The following ZFYVE28 variants were observed in gnomAD, a reference collection of about 807,000 sequenced individuals.
ZFYVE28 encodes lateral signaling target protein 2 homolog.
Under a neutral mutation model 82.1 loss-of-function variants are expected in ZFYVE28, and 40 were observed. The observed-to-expected ratio is 0.49, with a 90% confidence interval of 0.38 to 0.63. The LOEUF (loss-of-function observed/expected upper bound fraction) is 0.63. Ranked by LOEUF, ZFYVE28 falls within the 30% of genes least tolerant of loss-of-function variation. The pLI is 0.00. For missense variants in ZFYVE28, 1,321 were observed against 1,242.1 expected, an observed-to-expected ratio of 1.06 and a Z score of -0.96; for synonymous variants, 612 against 546.1, an observed-to-expected ratio of 1.12 and a Z score of -1.68.
At chr4:2,271,139 TG>T in intron 12 of ZFYVE28, 171 bp downstream of exon 12, 1 of 764,392 alleles carries the variant, frequency 1.3e-6, no homozygotes, top group Non-Finnish European at 2.1e-6. Context: ...CAGGTTCCCG[TG>T]GTCAAATGCC....
chr4:2,412,707 C>T (rs139607416), intron 1 of ZFYVE28, among the ~76,000 whole-genome samples: 17 of 152,302 alleles, frequency 1.1e-4, no homozygotes, highest in African/African-American at 3.4e-4. Flanking sequence ...TCAAACAAAA[C>T]CACACCCTGG....
rs1371525644 is a variant in ZFYVE28 at position 2,356,108 on chromosome 4, C to T, written c.40-2035G>A. Among the ~76,000 whole-genome samples the T allele has an allele frequency of 2.6e-5, 4 of 152,204 alleles. No homozygotes were observed. The South Asian group carries it at 6.2e-4, about 24-fold the overall frequency. ...CTTTCCTGGCCCTCCAGTCCTCACT[C>T]TCTGGATCAGCTCAAGACACTGGCC... On this transcript the variant is annotated intron_variant, in intron 1 of 12. Transcript: ENST00000290974.
intron 8 of ZFYVE28, among the ~76,000 whole-genome samples, chr4:2,297,650 G>A (rs957644611): frequency 2.6e-5 from 4 of 152,262 alleles, no homozygotes; most frequent in Non-Finnish European, 4.4e-5. Context: ...AGCTGCAAGC[G>A]CAATCTGGGA....
intron 8 of ZFYVE28, among the ~76,000 whole-genome samples, chr4:2,288,095 T>C (rs1305720873): frequency 6.6e-6 from 1 of 152,100 alleles, no homozygotes; most frequent in Non-Finnish European, 1.5e-5. Flanking sequence ...TGTGGTCAGA[T>C]GCCCAACACC....
intron 2 of ZFYVE28, chr4:2,343,253 T>C (rs778357891): frequency 6.6e-6 from 1 of 152,214 alleles, no homozygotes; most frequent in African/African-American, 2.4e-5. Flanking sequence ...TTCCAGGCTC[T>C]AATGAGATAC....
chr4:2,271,342 C>T lies in ZFYVE28; in HGVS notation c.2501G>A (p.Arg834His). 6.8e-6 allele frequency: 11 copies of T among 1,612,878 alleles called. No individual in the cohort carries two copies. Among genetic ancestry groups the T allele is most frequent in the Non-Finnish European group, 8.5e-6 (10 of 1,179,956 alleles). Residue 834 changes from arginine (R) to histidine (H), a missense_variant, in exon 12 of 13, where the codon CGC becomes CAC. Coordinates refer to ENST00000290974, the MANE Select transcript of ZFYVE28 (RefSeq NM_020972.3). The stretch of plus-strand genomic sequence containing the variant: ...ACAGCTGCGGCAGTGGTGCTTCCGG[C>T]GGATGACGGTGAAGGGTGCTTTGCA... Reference protein sequence around the residue: ...TACKAPFTVIRRKHHCRSCGK... With the variant: ...TACKAPFTVIHRKHHCRSCGK...
At chr4:2,275,515 T>C (rs1383984023) in intron 8 of ZFYVE28, among the ~76,000 whole-genome samples, 3 of 152,250 alleles carry the variant, frequency 2.0e-5, no homozygotes, top group Non-Finnish European at 4.4e-5. Context: ...CCTAGAAATA[T>C]TCGTGATAAT....
At chr4:2,293,056 A>G (rs1713979090) in intron 8 of ZFYVE28, among the ~76,000 whole-genome samples, 1 of 152,150 alleles carries the variant, frequency 6.6e-6, no homozygotes, top group Admixed American at 6.5e-5. Flanking sequence ...ACGTCAAAGA[A>G]TGCAGAAAAA....
intron 1 of ZFYVE28, among the ~76,000 whole-genome samples, chr4:2,405,869 G>A (rs1731834784): frequency 1.3e-5 from 2 of 152,012 alleles, no homozygotes; most frequent in Admixed American, 1.3e-4. Flanking sequence ...CCAACATGGT[G>A]AAACCCCCAT....
intron 1 of ZFYVE28, among the ~76,000 whole-genome samples, chr4:2,384,167 G>C (rs1296697239): frequency 1.3e-5 from 2 of 152,188 alleles, no homozygotes; most frequent in Non-Finnish European, 1.5e-5. Flanking sequence ...GGGACTGTCA[G>C]CCAAAGTCAA....
At chr4:2,395,961 C>T (rs1730401240) in intron 1 of ZFYVE28, among the ~76,000 whole-genome samples, 1 of 152,234 alleles carries the variant, frequency 6.6e-6, no homozygotes, top group East Asian at 1.9e-4. Flanking sequence ...ATGACATTGC[C>T]TGTGTCCCCT....
intron 1 of ZFYVE28, among the ~76,000 whole-genome samples, chr4:2,384,616 G>C (rs972504564): frequency 1.3e-5 from 2 of 152,186 alleles, no homozygotes; most frequent in Admixed American, 1.3e-4. Flanking sequence ...GAAGCACAGA[G>C]GGCCGACCCC....
Position 2,408,851 on chromosome 4 carries a change from G to A in ZFYVE28, c.39+9434C>T, listed in dbSNP as rs547759967. ...ACGGGCTGATCCACCCAATCCTGACGTGGGGCAGCAGTGATGGTTTGAAGC... is the reference window on the plus strand; with the variant it reads ...ACGGGCTGATCCACCCAATCCTGACATGGGGCAGCAGTGATGGTTTGAAGC... On this transcript the variant is annotated intron_variant, in intron 1 of 12. Coordinates refer to ENST00000290974, the MANE Select transcript of ZFYVE28 (RefSeq NM_020972.3). This position sits in a 1 kb window ranked among gnomAD's most constrained non-coding sequence, Gnocchi z 4.3. Among the ~76,000 whole-genome samples, 1 of 152,336 alleles carries A rather than the reference G, an allele frequency of 6.6e-6. No homozygotes were observed. Among genetic ancestry groups the A allele is most frequent in the South Asian group, 2.1e-4 (1 of 4,830 alleles).
At chr4:2,405,925 T>TGTAATCC (rs1459950660) in intron 1 of ZFYVE28, among the ~76,000 whole-genome samples, 1 of 151,756 alleles carries the variant, frequency 6.6e-6, no homozygotes, top group Non-Finnish European at 1.5e-5. Context: ...GGCAGGCGCC[T>TGTAATCC]GTAATCCCAG....
At chr4:2,359,851 T>A (rs1009667907) in intron 1 of ZFYVE28, among the ~76,000 whole-genome samples, 7 of 151,902 alleles carry the variant, frequency 4.6e-5, no homozygotes, top group Admixed American at 4.6e-4. Flanking sequence ...GTAACCCTCC[T>A]CCAAGGTAAA....
chr4:2,284,621 C>A (rs1423685311), intron 8 of ZFYVE28, among the ~76,000 whole-genome samples: 1 of 152,240 alleles, frequency 6.6e-6, no homozygotes, highest in Non-Finnish European at 1.5e-5. Flanking sequence ...CTGGACGCCT[C>A]TGGTTCCCCA....
intron 8 of ZFYVE28, among the ~76,000 whole-genome samples, chr4:2,293,576 A>AC (rs1577935934): frequency 6.6e-6 from 1 of 151,864 alleles, no homozygotes; most frequent in Non-Finnish European, 1.5e-5. Context: ...ACACGGTGAA[A>AC]CCCCGTCTCT....
chr4:2,380,656 C>A (rs778115393), intron 1 of ZFYVE28, among the ~76,000 whole-genome samples: 3 of 152,156 alleles, frequency 2.0e-5, no homozygotes, highest in Non-Finnish European at 4.4e-5. Context: ...GGGAGGGACC[C>A]AGTGGGAGAT....
At chr4:2,316,725 C>T (rs1202572361) in intron 7 of ZFYVE28, among the ~76,000 whole-genome samples, 1 of 151,528 alleles carries the variant, frequency 6.6e-6, no homozygotes, top group Non-Finnish European at 1.5e-5. Context: ...TGGAGTCTCG[C>T]TCTGTAGCCC....
Sources: gnomAD v4.1 joint callset for allele counts (sites outside exome capture counted in the v4.1 genomes callset) on GRCh38, gnomAD v4.1.1 for gene constraint, Gnocchi (gnomAD v3.1) non-coding constraint, MANE v1.5 for transcripts, NCBI Gene and HGNC (gene_info 2026-07-23, HGNC 2026-07-21) for gene names.